The following STOML3 variants were observed in gnomAD, a reference collection of about 807,000 sequenced individuals.
STOML3 encodes the protein stomatin like 3, also known as stomatin-like protein 3.
In STOML3, 31 loss-of-function variants were observed where a neutral mutation model predicts 29.5. That is an observed-to-expected ratio of 1.05 (90% CI 0.79 to 1.42). STOML3 has a LOEUF of 1.42. STOML3 is among the 40% of genes most tolerant of loss of function. The pLI is 0.00. For missense variants in STOML3, 380 were observed against 363.0 expected, an observed-to-expected ratio of 1.05 and a Z score of -0.38; for synonymous variants, 122 against 139.8, an observed-to-expected ratio of 0.87 and a Z score of 0.90.
chr13:38,976,585 C>T lies in STOML3; in HGVS notation c.184G>A (p.Val62Ile). The T allele has an allele frequency of 6.2e-7, 1 of 1,614,194 alleles. No individual in the cohort carries two copies. Among genetic ancestry groups the T allele is most frequent in the Non-Finnish European group, 8.5e-7 (1 of 1,180,042 alleles). The change falls in exon 3 of 7, where the codon GTA becomes ATA. Residue 62 changes from valine (V) to isoleucine (I), a missense_variant. By Grantham distance (29) the Val-to-Ile change is conservative. Coordinates refer to ENST00000379631, the MANE Select transcript of STOML3 (RefSeq NM_145286.3). ...GCTTGGATGCGTCCCAGACGGAATA[C>T]AACAGCACGTTCATACTCCTTAATG... is the stretch of plus-strand genomic sequence containing the variant. ...KIIKEYERAVVFRLGRIQADK... is the reference protein window; with the variant it reads ...KIIKEYERAVIFRLGRIQADK...
intron 3 of STOML3, among the ~76,000 whole-genome samples, chr13:38,975,302 C>T (rs1243906190): frequency 4.1e-5 from 6 of 145,020 alleles, no homozygotes. Context: ...GCCTGGGCGA[C>T]AGAGCGAGAC....
intron 1 of STOML3, among the ~76,000 whole-genome samples, chr13:38,984,529 T>C (rs939356313): frequency 1.3e-5 from 2 of 152,306 alleles, no homozygotes; most frequent in Non-Finnish European, 2.9e-5. Context: ...ACCTTTTCTA[T>C]GTTTAGATAT....
intron 1 of STOML3, among the ~76,000 whole-genome samples, chr13:38,980,534 T>C (rs368419314): frequency 1.3e-5 from 2 of 151,166 alleles, no homozygotes; most frequent in East Asian, 1.9e-4. Context: ...TCTGAGGGGA[T>C]GATGGAAGAA....
chr13:38,985,687 A>T (rs1180362225), intron 1 of STOML3, among the ~76,000 whole-genome samples: 2 of 151,946 alleles, frequency 1.3e-5, no homozygotes, highest in Admixed American at 1.3e-4. Context: ...GCAAATTATG[A>T]TATATCTACA....
At chr13:38,974,603 T>C (rs571283852) in intron 3 of STOML3, among the ~76,000 whole-genome samples, 1 of 152,314 alleles carries the variant, frequency 6.6e-6, no homozygotes, top group Non-Finnish European at 1.5e-5. Flanking sequence ...TAAATGCTCA[T>C]GAAGTGTCAG....
intron 1 of STOML3, among the ~76,000 whole-genome samples, chr13:38,983,276 A>G (rs560865489): frequency 6.6e-6 from 1 of 151,860 alleles, no homozygotes; most frequent in South Asian, 2.1e-4. Flanking sequence ...GCCTTTAAAA[A>G]CCCTACCACC....
chr13:38,969,626 T>C (rs1880787142), intron 5 of STOML3, among the ~76,000 whole-genome samples: 1 of 152,144 alleles, frequency 6.6e-6, no homozygotes, highest in Non-Finnish European at 1.5e-5. Flanking sequence ...TCTAAGAAAA[T>C]ACAGAAGTAT....
At chr13:38,976,903 G>A in intron 1 of STOML3, 106 bp from the exon 2 acceptor site, 2 of 897,828 alleles carry the variant, frequency 2.2e-6, no homozygotes, top group Non-Finnish European at 3.6e-6. Flanking sequence ...AGCCTGATGT[G>A]GCTGCATAGA....
rs775870345 is a variant in STOML3 at position 38,976,711 on chromosome 13, T to C, written c.139A>G (p.Ile47Val). The C allele has an allele frequency of 1.9e-6, 3 of 1,613,984 alleles. No individual in the cohort carries two copies. In the South Asian group the frequency reaches 3.3e-5, roughly 18 times the overall value. Residue 47 changes from isoleucine (I) to valine (V), a missense_variant, in exon 2 of 7, where the codon ATA becomes GTA. By Grantham distance (29) the Ile-to-Val change is conservative (BLOSUM62 3). Coordinates refer to ENST00000379631, the MANE Select transcript of STOML3 (RefSeq NM_145286.3). ...LLVIITFPISIWMCLKIIKEY... is the reference protein window; with the variant it reads ...LLVIITFPISVWMCLKIIKEY... The stretch of plus-strand genomic sequence containing the variant: ...GGTGTTACCTTCAAGCACATCCATA[T>C]GGAGATGGGGAAGGTAATGATCACC...
rs1593512826 is a variant in STOML3 at position 38,989,687 on chromosome 13, A to G, written c.52+983T>C. The stretch of plus-strand genomic sequence containing the variant: ...AAATTTTGTATTTTTTGTAGAGATG[A>G]GTTTTTGCCATTTTGCCCAGGCTGG... On this transcript the variant is annotated intron_variant, in intron 1 of 6. Coordinates refer to ENST00000379631, the MANE Select transcript of STOML3 (RefSeq NM_145286.3). Among the ~76,000 whole-genome samples, 4 of 151,820 alleles carry G rather than the reference A, an allele frequency of 2.6e-5. No homozygotes were observed. The East Asian group carries it at 7.7e-4, about 29-fold the overall frequency.
chr13:38,976,467 A>C, intron 3 of STOML3, 73 bp downstream of exon 3: 1 of 1,557,788 alleles, frequency 6.4e-7, no homozygotes, highest in East Asian at 2.3e-5. Flanking sequence ...ACCACCAGGA[A>C]AAATATTGAA....
In STOML3 at chr13:38,985,911, C is replaced by CTTTTTTTT. The variant is rs1170409048; in HGVS notation, c.52+4751_52+4758dup. ...TTTCTTTTTTTTTTTTCTTTTCTTT[C>CTTTTTTTT]TTTTTTTTTTTTTTTTTTTTTTGTT... On this transcript the variant is annotated intron_variant, in intron 1 of 6. Transcript: ENST00000379631. Among the ~76,000 whole-genome samples the CTTTTTTTT allele has an allele frequency of 1.4e-3, 118 of 85,616 alleles. 1 individual carries two copies. The highest frequency in any genetic ancestry group is 4.1e-3 in the East Asian group (10 of 2,424). 56.2% of individuals were successfully genotyped at this position (85,616 alleles called of 152,430 possible).
chr13:38,966,926 C>A lies in STOML3; in HGVS notation c.775G>T (p.Glu259Ter). The A allele has an allele frequency of 1.2e-6, 2 of 1,614,008 alleles. No homozygotes were observed. Among genetic ancestry groups the A allele is most frequent in the Non-Finnish European group, 1.7e-6 (2 of 1,180,004 alleles). Residue 259 changes from glutamate (E) to a stop codon, truncating the protein, a stop_gained, in exon 7 of 7, where the codon GAG (glutamate) becomes TAG (stop). Transcript: ENST00000379631. LOFTEE classifies it high-confidence loss of function. ...GGAAACACAATCGTAGAATTCTTCT[C>A]GGTGGCTACCGTGCTCAAGGTCTGC... is the stretch of plus-strand genomic sequence containing the variant. ...YLQTLSTVAT[E>*]KNSTIVFPLP... is the part of the protein sequence containing the mutation.
intron 1 of STOML3, among the ~76,000 whole-genome samples, chr13:38,980,408 A>G (rs1292953019): frequency 6.6e-6 from 1 of 152,176 alleles, no homozygotes; most frequent in Non-Finnish European, 1.5e-5. Context: ...TGAAACTAGG[A>G]TGCTATACTG....
chr13:38,988,886 C>A (rs1344686263), intron 1 of STOML3, among the ~76,000 whole-genome samples: 1 of 139,964 alleles, frequency 7.1e-6, no homozygotes, highest in African/African-American at 2.7e-5. Flanking sequence ...TATATTATTA[C>A]ATATTATATA....
intron 1 of STOML3, among the ~76,000 whole-genome samples, chr13:38,980,872 T>C (rs1053619444): frequency 1.3e-5 from 2 of 152,134 alleles, no homozygotes; most frequent in East Asian, 1.9e-4. Flanking sequence ...ACAGAAACAA[T>C]AGAAACAACA....
chr13:38,977,822 C>G (rs184050493), intron 1 of STOML3, among the ~76,000 whole-genome samples: 1 of 142,838 alleles, frequency 7.0e-6, no homozygotes, highest in Non-Finnish European at 1.5e-5. Flanking sequence ...TACAGTGGCG[C>G]GCTCTTGGCT....
intron 5 of STOML3, among the ~76,000 whole-genome samples, chr13:38,969,400 T>C (rs78157801): frequency 3.5e-4 from 53 of 152,270 alleles, no homozygotes; most frequent in African/African-American, 1.2e-3. Context: ...AAGAAGTCAG[T>C]GACCTGGCTG....
chr13:38,967,023 A>G lies in STOML3; in HGVS notation c.678T>C (p.Asn226=), dbSNP rs1293106472. 2.5e-6 allele frequency: 4 copies of G among 1,613,896 alleles called. No individual in the cohort carries two copies. Among genetic ancestry groups the G allele is most frequent in the Non-Finnish European group, 3.4e-6 (4 of 1,179,980 alleles). ...AKVLAAEGEM[N]ASKSLKSASM... Reference sequence around the variant, plus strand: ...AGGCTGACTTCAGGGATTTGGAAGCATTCATTTCTCCTTCAGCTGCAAGGA... The same window carrying G: ...AGGCTGACTTCAGGGATTTGGAAGCGTTCATTTCTCCTTCAGCTGCAAGGA... The change falls in exon 7 of 7, where the codon AAT becomes AAC. Residue 226 remains asparagine, a synonymous_variant. Coordinates refer to ENST00000379631, the MANE Select transcript of STOML3 (RefSeq NM_145286.3).
Sources: gnomAD v4.1 joint callset for allele counts (sites outside exome capture counted in the v4.1 genomes callset) on GRCh38, gnomAD v4.1.1 for gene constraint, MANE v1.5 for transcripts, NCBI Gene and HGNC (gene_info 2026-07-23, HGNC 2026-07-21) for gene names.